ATG10: variants seen among roughly 807,000 people sequenced by gnomAD.
The protein encoded by ATG10 is ubiquitin-like-conjugating enzyme ATG10.
ATG10 carries 30 observed loss-of-function variants against 32.1 expected under a neutral mutation model. The ratio of observed to expected loss-of-function variants is 0.94; its 90% CI spans 0.70 to 1.27. ATG10 has a LOEUF of 1.27. Ranked by LOEUF, ATG10 falls within the 50% of genes most tolerant of loss-of-function variation. The pLI is 0.00. For synonymous variants in ATG10, 87 were observed against 91.5 expected, an observed-to-expected ratio of 0.95 and a Z score of 0.28; for missense variants, 233 against 262.3, an observed-to-expected ratio of 0.89 and a Z score of 0.77.
intron 2 of ATG10, among the ~76,000 whole-genome samples, chr5:81,999,986 A>G (rs1761802546): frequency 6.6e-6 from 1 of 152,172 alleles, no homozygotes; most frequent in Admixed American, 6.5e-5. Flanking sequence ...AATTATTCCA[A>G]AAACTTGAGG....
intron 2 of ATG10, among the ~76,000 whole-genome samples, chr5:81,999,515 T>C (rs1487038939): frequency 6.6e-6 from 1 of 151,556 alleles, no homozygotes; most frequent in African/African-American, 2.4e-5. Context: ...TAGCAGAAGA[T>C]AGAAATAACC....
chr5:82,155,224 T>C (rs1767757036), intron 3 of ATG10, among the ~76,000 whole-genome samples: 1 of 152,218 alleles, frequency 6.6e-6, no homozygotes, highest in South Asian at 2.1e-4. Context: ...TTGGATTTAA[T>C]TATCATTGTC....
At chr5:81,998,538 A>G (rs1334203553) in intron 2 of ATG10, among the ~76,000 whole-genome samples, 1 of 152,236 alleles carries the variant, frequency 6.6e-6, no homozygotes. Context: ...ACATATATCA[A>G]TATGAACCAT....
At chr5:82,082,963 A>C (rs1764535432) in intron 3 of ATG10, among the ~76,000 whole-genome samples, 1 of 152,156 alleles carries the variant, frequency 6.6e-6, no homozygotes. Flanking sequence ...TGCATTTCCA[A>C]CTGAGGTACC....
At chr5:82,049,456 C>T (rs985143411) in intron 2 of ATG10, among the ~76,000 whole-genome samples, 3 of 151,150 alleles carry the variant, frequency 2.0e-5, no homozygotes, top group Non-Finnish European at 2.9e-5. Flanking sequence ...TGCTAGATGA[C>T]GAGTTAGTGG....
In ATG10 at chr5:82,178,599, T is replaced by C; in HGVS notation, c.453+12T>C. 6.4e-7 allele frequency: 1 copy of C among 1,559,268 alleles called. No individual in the cohort carries two copies. The highest frequency in any genetic ancestry group is 1.7e-5 in the Admixed American group (1 of 59,714). ...CTATTACGCAACAGGTTGGAGAGTATTGTCATTTTATTGTATGCATGTTAT... is the reference window on the plus strand; with the variant it reads ...CTATTACGCAACAGGTTGGAGAGTACTGTCATTTTATTGTATGCATGTTAT... On this transcript the variant is annotated intron_variant, in intron 5 of 7. Coordinates refer to ENST00000282185, the MANE Select transcript of ATG10 (RefSeq NM_031482.5).
At chr5:82,189,488 T>G (rs1262877652) in intron 5 of ATG10, among the ~76,000 whole-genome samples, 2 of 152,226 alleles carry the variant, frequency 1.3e-5, no homozygotes, top group African/African-American at 4.8e-5. Context: ...TCAGTTGTAG[T>G]TGTGTGAGAG....
intron 2 of ATG10, among the ~76,000 whole-genome samples, chr5:82,045,743 A>G (rs926831607): frequency 6.6e-6 from 1 of 152,062 alleles, no homozygotes; most frequent in South Asian, 2.1e-4. Flanking sequence ...TGTTACATTA[A>G]TAAAAAAGGC....
intron 4 of ATG10, among the ~76,000 whole-genome samples, chr5:82,177,491 C>A (rs1407215018): frequency 6.6e-6 from 1 of 152,060 alleles, no homozygotes; most frequent in Non-Finnish European, 1.5e-5. Context: ...GTGATATCAT[C>A]CATTAGCCCA....
At position 82,204,306 on chromosome 5, in the gene ATG10, G is replaced by A. The variant is rs140836548; in HGVS notation, c.453+25719G>A. Among the ~76,000 whole-genome samples the A allele has an allele frequency of 9.5e-3, 1,444 of 152,272 alleles. 10 individuals carry two copies. Among genetic ancestry groups the A allele is most frequent in the Middle Eastern group, 0.017 (5 of 294 alleles). ...CTTATACTAGACTCTGGGGTACAAT[G>A]AAGAGCAAAAGCAGACATGAGTGAT... On this transcript the variant is annotated intron_variant, in intron 5 of 7. Transcript: ENST00000282185.
At chr5:82,238,328 C>G (rs1248719714) in intron 5 of ATG10, among the ~76,000 whole-genome samples, 2 of 152,148 alleles carry the variant, frequency 1.3e-5, no homozygotes, top group African/African-American at 4.8e-5. Flanking sequence ...GGTCGCAGTC[C>G]TATTACCACG....
intron 3 of ATG10, among the ~76,000 whole-genome samples, chr5:82,145,775 C>T (rs371887361): frequency 8.6e-5 from 13 of 151,148 alleles, no homozygotes; most frequent in South Asian, 8.4e-4. Context: ...GGCCTGATCT[C>T]GGCTCACTGC....
intron 5 of ATG10, among the ~76,000 whole-genome samples, chr5:82,210,980 A>G (rs1320952593): frequency 6.6e-6 from 1 of 152,178 alleles, no homozygotes; most frequent in African/African-American, 2.4e-5. Flanking sequence ...CTAAGTTTCC[A>G]TGTAATTTGA....
intron 5 of ATG10, among the ~76,000 whole-genome samples, chr5:82,224,926 G>A (rs1474139011): frequency 6.6e-6 from 1 of 152,184 alleles, no homozygotes. Flanking sequence ...TGCCTCCCAT[G>A]TATTAAAAAT....
At chr5:82,105,828 T>A (rs75294517) in intron 3 of ATG10, among the ~76,000 whole-genome samples, 69 of 152,284 alleles carry the variant, frequency 4.5e-4, no homozygotes, top group African/African-American at 1.7e-3. Context: ...CTTACTGCAG[T>A]GGCTAAACCC....
chr5:82,010,062 G>A, intron 2 of ATG10: 1 of 1,610,360 alleles, frequency 6.2e-7, no homozygotes. Flanking sequence ...GCCATCGACG[G>A]CAATGTCGAA....
chr5:82,153,828 A>G lies in ATG10; in HGVS notation c.217-10571A>G, dbSNP rs9654419. On this transcript the variant is annotated intron_variant, in intron 3 of 7. Transcript: ENST00000282185. ...ATGTATTTCCTTATATTAGGACATAATATCTATTATTGTTATCTCTTCTAT... is the reference window on the plus strand; with the variant it reads ...ATGTATTTCCTTATATTAGGACATAGTATCTATTATTGTTATCTCTTCTAT... 7.0e-3 allele frequency among the ~76,000 whole-genome samples: 1,070 copies of G among 151,934 alleles called. 7 individuals carry two copies. Among genetic ancestry groups the G allele is most frequent in the Non-Finnish European group, 0.012 (806 of 67,976 alleles).
At chr5:82,191,294 G>C (rs867528915) in intron 5 of ATG10, among the ~76,000 whole-genome samples, 1 of 152,140 alleles carries the variant, frequency 6.6e-6, no homozygotes, top group Non-Finnish European at 1.5e-5. Context: ...AGAATTAAAG[G>C]GTCTGATTTA....
At chr5:82,035,129 C>G (rs1055923392) in intron 2 of ATG10, among the ~76,000 whole-genome samples, 6 of 152,116 alleles carry the variant, frequency 3.9e-5, no homozygotes, top group Middle Eastern at 3.2e-3. Context: ...CCAGGGTGGT[C>G]TCAAACTCCT....
Sources: allele counts gnomAD v4.1 joint callset (sites outside exome capture counted in the v4.1 genomes callset), GRCh38; gene constraint gnomAD v4.1.1; transcripts MANE v1.5; gene names NCBI Gene and HGNC (gene_info 2026-07-23, HGNC 2026-07-21).